Variants in KLHL32 observed in about 807,000 individuals in gnomAD.
The protein encoded by KLHL32 is kelch like family member 32.
Under a neutral mutation model 64.8 loss-of-function variants are expected in KLHL32, and 35 were observed. That is an observed-to-expected ratio of 0.54 (90% CI 0.41 to 0.72). The LOEUF is 0.72. Among genes scored for constraint, KLHL32 ranks in the 30% least tolerant of loss-of-function variants. The probability of loss-of-function intolerance (pLI) is 0.00; values close to 1 mark genes in which losing one functional copy is unlikely to be tolerated. For missense variants in KLHL32, 589 were observed against 768.5 expected (o/e 0.77, Z 2.76); for synonymous variants, 259 against 281.0 (o/e 0.92, Z 0.78).
chr6:97,033,136 G>A (rs183722131), intron 3 of KLHL32, among the ~76,000 whole-genome samples: 4 of 152,062 alleles, frequency 2.6e-5, no homozygotes, highest in Non-Finnish European at 2.9e-5. Flanking sequence ...TTAATAGACC[G>A]CAGTATAGTG....
intron 3 of KLHL32, among the ~76,000 whole-genome samples, chr6:97,012,033 C>A (rs999898577): frequency 6.6e-5 from 10 of 152,208 alleles, no homozygotes; most frequent in Admixed American, 5.9e-4. Context: ...AATCACGTAA[C>A]TGCTGAATGC....
Position 97,109,773 on chromosome 6 carries a change from A to G in KLHL32, c.628-4010A>G, listed in dbSNP as rs145082736. Reference sequence around the variant, plus strand: ...CCTATGGAGACATGGATATTTATCTAATGTCTCTAGTGCTGTTTCCGGTAG... The same window carrying G: ...CCTATGGAGACATGGATATTTATCTGATGTCTCTAGTGCTGTTTCCGGTAG... On this transcript the variant is annotated intron_variant, in intron 6 of 10. Transcript: ENST00000369261. Among the ~76,000 whole-genome samples, 794 of 152,334 alleles carry G rather than the reference A, an allele frequency of 5.2e-3. 3 individuals are homozygous for G. Among genetic ancestry groups the G allele is most frequent in the Middle Eastern group, 0.017 (5 of 294 alleles).
intron 6 of KLHL32, among the ~76,000 whole-genome samples, chr6:97,089,890 A>G (rs1304595177): frequency 6.6e-6 from 1 of 152,182 alleles, no homozygotes. Context: ...GTAGATATTA[A>G]GACCAAAAAA....
At chr6:97,098,755 A>C (rs1486119344) in intron 6 of KLHL32, among the ~76,000 whole-genome samples, 1 of 152,226 alleles carries the variant, frequency 6.6e-6, no homozygotes, top group Non-Finnish European at 1.5e-5. Flanking sequence ...TCCTCACTGC[A>C]GTACACCACA....
intron 1 of KLHL32, among the ~76,000 whole-genome samples, chr6:96,950,057 A>C (rs1257118038): frequency 6.6e-6 from 1 of 152,152 alleles, no homozygotes; most frequent in Non-Finnish European, 1.5e-5. Flanking sequence ...TTTCAAAGCC[A>C]AGATTTTAAA....
intron 1 of KLHL32, among the ~76,000 whole-genome samples, chr6:96,956,849 T>C (rs1456904595): frequency 6.6e-6 from 1 of 152,244 alleles, no homozygotes; most frequent in Non-Finnish European, 1.5e-5. Flanking sequence ...GTTCTAATGT[T>C]TCTTGCAGAT....
At chr6:97,137,454 T>G (rs1050736264) in intron 10 of KLHL32, among the ~76,000 whole-genome samples, 1 of 152,190 alleles carries the variant, frequency 6.6e-6, no homozygotes, top group African/African-American at 2.4e-5. Context: ...TAGGACTTCT[T>G]AGTAATTTCC....
intron 3 of KLHL32, among the ~76,000 whole-genome samples, chr6:97,013,312 T>C (rs1780656778): frequency 6.6e-6 from 1 of 152,236 alleles, no homozygotes; most frequent in African/African-American, 2.4e-5. Context: ...TCCTCTCTAT[T>C]GTTAAGTTGC....
At chr6:97,068,384 A>G (rs1252545411) in intron 5 of KLHL32, among the ~76,000 whole-genome samples, 1 of 152,210 alleles carries the variant, frequency 6.6e-6, no homozygotes, top group African/African-American at 2.4e-5. Flanking sequence ...ATAGGAATAT[A>G]GGTTTAATAT....
intron 6 of KLHL32, among the ~76,000 whole-genome samples, chr6:97,100,608 C>G (rs1475627601): frequency 6.6e-6 from 1 of 152,096 alleles, no homozygotes; most frequent in Non-Finnish European, 1.5e-5. Flanking sequence ...TTAAATGCAA[C>G]TTGGGTACTT....
At chr6:96,999,929 C>T (rs1778834059) in intron 3 of KLHL32, among the ~76,000 whole-genome samples, 1 of 152,060 alleles carries the variant, frequency 6.6e-6, no homozygotes, top group Non-Finnish European at 1.5e-5. Context: ...ACAGCTTCTG[C>T]ATAGAGATGA....
chr6:97,109,357 A>G (rs528060574), intron 6 of KLHL32, among the ~76,000 whole-genome samples: 3 of 152,364 alleles, frequency 2.0e-5, no homozygotes, highest in Admixed American at 2.0e-4. Context: ...GTTGGAAAGA[A>G]ATAAGATAAA....
intron 3 of KLHL32, among the ~76,000 whole-genome samples, chr6:97,008,559 C>T (rs1779959001): frequency 1.3e-5 from 2 of 151,956 alleles, no homozygotes; most frequent in Non-Finnish European, 2.9e-5. Context: ...TGGCTGGAGT[C>T]CTGCTCCTGC....
At chr6:96,999,341 A>G (rs1468428401) in intron 3 of KLHL32, among the ~76,000 whole-genome samples, 1 of 152,204 alleles carries the variant, frequency 6.6e-6, no homozygotes, top group Non-Finnish European at 1.5e-5. Context: ...GGCTGCAGTG[A>G]GGCATGATTG....
At chr6:96,989,582 GA>G (rs1335431649) in intron 3 of KLHL32, among the ~76,000 whole-genome samples, 1 of 152,138 alleles carries the variant, frequency 6.6e-6, no homozygotes, top group Non-Finnish European at 1.5e-5. Context: ...GCGTCTTGGG[GA>G]TGGTCGTCTT....
At chr6:97,070,319 G>A (rs1790508462) in intron 5 of KLHL32, among the ~76,000 whole-genome samples, 1 of 152,160 alleles carries the variant, frequency 6.6e-6, no homozygotes, top group Admixed American at 6.5e-5. Flanking sequence ...TAGCCAACTA[G>A]TAATTATTTG....
intron 6 of KLHL32, among the ~76,000 whole-genome samples, chr6:97,087,753 C>G (rs1793646867): frequency 6.6e-6 from 1 of 152,148 alleles, no homozygotes; most frequent in Middle Eastern, 3.2e-3. Flanking sequence ...CTGGGACCAT[C>G]CCATATTTGG....
At chr6:96,913,822 G>A in the KLHL32 span, among the ~76,000 whole-genome samples, 11 of 152,118 alleles carry the variant, frequency 7.2e-5, no homozygotes, top group South Asian at 4.1e-4. Context: ...TGTCCCCTCC[G>A]TCATGGGGGA....
At chr6:97,117,281 C>A (rs1797892425) in intron 7 of KLHL32, among the ~76,000 whole-genome samples, 1 of 152,128 alleles carries the variant, frequency 6.6e-6, no homozygotes, top group Non-Finnish European at 1.5e-5. Context: ...CATGTATTTC[C>A]AATTTAATTG....
Sources: gnomAD v4.1 joint callset for allele counts (sites outside exome capture counted in the v4.1 genomes callset) on GRCh38, gnomAD v4.1.1 for gene constraint, MANE v1.5 for transcripts, NCBI Gene and HGNC (gene_info 2026-07-23, HGNC 2026-07-21) for gene names.